Variants in MILR1 observed in about 807,000 individuals in gnomAD.
MILR1 encodes the protein mast cell immunoglobulin like receptor 1.
In MILR1, 31 loss-of-function variants were observed where a neutral mutation model predicts 18.5. That is an observed-to-expected ratio of 1.68 (90% CI 1.26 to 2.26). The LOEUF is 2.26. Ranked by LOEUF, MILR1 falls within the 30% of genes most tolerant of loss-of-function variation. MILR1 has a pLI of 0.00. For missense variants in MILR1, 257 were observed against 157.4 expected (o/e 1.63, Z -3.38); for synonymous variants, 85 against 56.2 (o/e 1.51, Z -2.30).
the MILR1 span, chr17:64,496,951 G>A: frequency 3.1e-6 from 5 of 1,607,052 alleles, no homozygotes; most frequent in Admixed American, 3.3e-5. Context: ...AGGCCCTGAC[G>A]GCTACACGAG....
the MILR1 span, chr17:64,492,670 T>C: frequency 6.3e-7 from 1 of 1,590,810 alleles, no homozygotes; most frequent in Non-Finnish European, 8.6e-7. Flanking sequence ...GCAGTACCTT[T>C]CTCCACCACT....
the MILR1 span, chr17:64,482,933 A>C: frequency 6.3e-7 from 1 of 1,588,108 alleles, no homozygotes; most frequent in South Asian, 1.1e-5. Context: ...CTTAGTTCCA[A>C]TGTGGGGCCT....
At chr17:64,493,066 C>T in the MILR1 span, 3 of 1,606,598 alleles carry the variant, frequency 1.9e-6, no homozygotes, top group Non-Finnish European at 1.7e-6. Flanking sequence ...AGTCCACAAA[C>T]CCAAATCATT....
At chr17:64,461,447 C>T (rs1234048175) in intron 5 of MILR1, among the ~76,000 whole-genome samples, 1 of 152,024 alleles carries the variant, frequency 6.6e-6, no homozygotes, top group Non-Finnish European at 1.5e-5. Flanking sequence ...CAGGGTTTCA[C>T]CATGTTGGCC....
At chr17:64,475,846 CTG>C in the MILR1 span, among the ~76,000 whole-genome samples, 3 of 130,812 alleles carry the variant, frequency 2.3e-5, no homozygotes, top group South Asian at 2.7e-4. Context: ...CAGCGTCTCA[CTG>C]TGTCACCCAG....
chr17:64,488,542 C>A, the MILR1 span, among the ~76,000 whole-genome samples: 2 of 151,654 alleles, frequency 1.3e-5, no homozygotes, highest in Non-Finnish European at 2.9e-5. Context: ...ATTCTTCATA[C>A]AAAAGAAAAA....
chr17:64,472,777 TA>T (rs200057253), downstream of MILR1, among the ~76,000 whole-genome samples: 1,848 of 152,310 alleles, frequency 0.012, 43 homozygotes, highest in African/African-American at 0.042. Flanking sequence ...GAGTACACTC[TA>T]TGCTGTTCAA....
the MILR1 span, chr17:64,490,435 T>C: frequency 3.7e-6 from 1 of 271,132 alleles, no homozygotes; most frequent in Non-Finnish European, 7.2e-6. Flanking sequence ...CCAAGGCATA[T>C]TCTACAGATT....
At chr17:64,471,227 A>G (rs1376129612), downstream of MILR1, among the ~76,000 whole-genome samples, 1 of 152,130 alleles carries the variant, frequency 6.6e-6, no homozygotes, top group Non-Finnish European at 1.5e-5. Flanking sequence ...AACCAGTACC[A>G]GGGTGTTTTG....
Position 64,466,507 on chromosome 17 carries a change from G to T in MILR1, c.910+9G>T. The T allele has an allele frequency of 6.2e-7, 1 of 1,613,618 alleles. No individual in the cohort carries two copies. The highest frequency in any genetic ancestry group is 1.1e-5 in the South Asian group (1 of 91,002). On this transcript the variant is annotated intron_variant, in intron 7 of 9. Transcript: ENST00000619286. ...TTCCACAGCCCAAGATGGTGAGCAT[G>T]TTCTGCAGAGTCTATTCCACTGCCC...
chr17:64,465,501 G>A lies in MILR1; in HGVS notation c.813G>A (p.Met271Ile). 1.2e-6 allele frequency: 2 copies of A among 1,611,008 alleles called. No individual in the cohort carries two copies. Among genetic ancestry groups the A allele is most frequent in the Non-Finnish European group, 1.7e-6 (2 of 1,178,766 alleles). ...CCAGGGACCGTGGAGACACAGCCAT[G>A]GAAGTTGGAATCTATGCAAATATCC... ...NVPRDRGDTAMEVGIYANILE... is the reference protein window; with the variant it reads ...NVPRDRGDTAIEVGIYANILE... The change falls in exon 6 of 10, where the codon ATG (methionine) becomes ATA (isoleucine). Residue 271 changes from methionine (M) to isoleucine (I), a missense_variant. Physicochemically the swap from Met to Ile is conservative, Grantham distance 10. Coordinates refer to ENST00000619286, the MANE Select transcript of MILR1 (RefSeq NM_001085423.2).
At chr17:64,490,520 G>A in the MILR1 span, 2 of 432,124 alleles carry the variant, frequency 4.6e-6, no homozygotes, top group African/African-American at 2.0e-5. Flanking sequence ...GAGTGTAAAG[G>A]CATATGACAA....
the MILR1 span, among the ~76,000 whole-genome samples, chr17:64,483,405 C>T: frequency 6.6e-6 from 1 of 151,862 alleles, no homozygotes; most frequent in African/African-American, 2.4e-5. Context: ...GTCCCAGCTA[C>T]TCAGGCGGCT....
chr17:64,485,854 T>C, the MILR1 span: 6 of 1,614,010 alleles, frequency 3.7e-6, no homozygotes, highest in African/African-American at 4.0e-5. Context: ...CCACATTTTT[T>C]CGTCCATCTC....
chr17:64,450,225 A>C lies in MILR1; in HGVS notation c.97+870A>C, dbSNP rs1271451615. On this transcript the variant is annotated intron_variant, in intron 2 of 9. Coordinates refer to ENST00000619286, the MANE Select transcript of MILR1 (RefSeq NM_001085423.2). ...AGTGCTGGGATTACAGGCGTGAGAC[A>C]CTGTAATTTATTTCATCTGTGAAGT... Among the ~76,000 whole-genome samples, 13 of 152,192 alleles carry C rather than the reference A, an allele frequency of 8.5e-5. No individual in the cohort carries two copies. The East Asian group carries it at 2.3e-3, about 27-fold the overall frequency.
the MILR1 span, chr17:64,485,241 A>T: frequency 6.2e-6 from 1 of 161,350 alleles, no homozygotes; most frequent in Admixed American, 6.1e-5. Flanking sequence ...TTTGACCCAT[A>T]AACATGCTCC....
the MILR1 span, chr17:64,485,586 T>C: frequency 2.8e-6 from 2 of 725,294 alleles, no homozygotes; most frequent in Non-Finnish European, 4.7e-6. Flanking sequence ...GGCCAGATTC[T>C]AAAAAAACTG....
intron 3 of MILR1, among the ~76,000 whole-genome samples, chr17:64,456,542 G>A (rs1246515331): frequency 1.3e-5 from 2 of 152,138 alleles, no homozygotes; most frequent in African/African-American, 4.8e-5. Flanking sequence ...TGGGCATGGT[G>A]GCTCACACCT....
chr17:64,491,193 G>A, the MILR1 span, among the ~76,000 whole-genome samples: 3 of 152,128 alleles, frequency 2.0e-5, no homozygotes, highest in Non-Finnish European at 2.9e-5. Context: ...CTAGTCACAG[G>A]TACAATCATA....
Sources: allele counts gnomAD v4.1 joint callset (sites outside exome capture counted in the v4.1 genomes callset), GRCh38; gene constraint gnomAD v4.1.1; transcripts MANE v1.5; gene names NCBI Gene and HGNC (gene_info 2026-07-23, HGNC 2026-07-21).